BTAF1: variants seen among roughly 807,000 people sequenced by gnomAD.
BTAF1 encodes the protein B-TFIID TATA-box binding protein associated factor 1, also known as TATA-binding protein-associated factor 172.
A neutral mutation model predicts 227.1 loss-of-function variants in BTAF1; 38 were observed. That is an observed-to-expected ratio of 0.17 (90% CI 0.13 to 0.22). BTAF1 has a LOEUF of 0.22. BTAF1 is among the 10% of genes least tolerant of loss of function. BTAF1 has a pLI of 1.00. For synonymous variants in BTAF1, 742 were observed against 751.9 expected, an observed-to-expected ratio of 0.99 and a Z score of 0.21; for missense variants, 1,598 against 2,204.0, an observed-to-expected ratio of 0.73 and a Z score of 5.51.
rs894042057 is a variant in BTAF1 at position 92,030,031 on chromosome 10, T to C, written c.*1098T>C. 1 of 152,514 alleles carries C rather than the reference T, an allele frequency of 6.6e-6. No individual in the cohort carries two copies. The highest frequency in any genetic ancestry group is 6.6e-5 in the Admixed American group (1 of 15,264). 9.4% of individuals were successfully genotyped at this position (152,514 alleles called of 1,614,324 possible). On this transcript the variant is annotated 3_prime_UTR_variant, in exon 38 of 38. Coordinates refer to ENST00000265990, the MANE Select transcript of BTAF1 (RefSeq NM_003972.3). ...GTATGTGTTTGTATATATAATTTTA[T>C]AAGTTTCACGCATAAATTAATACAT...
Position 92,024,984 on chromosome 10 carries a change from A to G in BTAF1, c.5075+17A>G. 6.3e-7 allele frequency: 1 copy of G among 1,587,830 alleles called. No individual in the cohort carries two copies. The highest frequency in any genetic ancestry group is 8.6e-7 in the Non-Finnish European group (1 of 1,159,084). On this transcript the variant is annotated intron_variant, in intron 35 of 37. Coordinates refer to ENST00000265990, the MANE Select transcript of BTAF1 (RefSeq NM_003972.3). ...TGTTTCCCGGTAAGTGGCTTCTAAG[A>G]CTCTTATTCATAAATAAATATATTA...
At position 91,942,489 on chromosome 10, in the gene BTAF1, T is replaced by C; in HGVS notation, c.321T>C (p.Asp107=). The C allele has an allele frequency of 6.2e-7, 1 of 1,614,058 alleles. No homozygotes were observed. The highest frequency in any genetic ancestry group is 8.5e-7 in the Non-Finnish European group (1 of 1,179,916). The change falls in exon 4 of 38, where the codon GAT becomes GAC. Residue 107 remains aspartate, a synonymous_variant. Transcript: ENST00000265990. ...AGCGATTGAATTTTGACAGATTTGA[T>C]ATATGTAGATTGTTACAACATGGTG... is the stretch of plus-strand genomic sequence containing the variant. ...TTERLNFDRF[D]ICRLLQHGAS...
At chr10:92,003,178 C>T (rs915876363) in intron 25 of BTAF1, among the ~76,000 whole-genome samples, 11 of 150,664 alleles carry the variant, frequency 7.3e-5, no homozygotes, top group Admixed American at 2.6e-4. Flanking sequence ...AAAGTTACGG[C>T]GTCCAACATG....
chr10:91,957,414 G>A, intron 8 of BTAF1, 121 bp downstream of exon 8: 2 of 651,092 alleles, frequency 3.1e-6, no homozygotes, highest in South Asian at 5.5e-5. Context: ...CAGGACTCAG[G>A]GCACGTCATA....
intron 4 of BTAF1, among the ~76,000 whole-genome samples, chr10:91,945,302 T>C (rs1325509486): frequency 6.6e-6 from 1 of 152,100 alleles, no homozygotes; most frequent in African/African-American, 2.4e-5. Context: ...TGTGGTAAAA[T>C]ATATATAACA....
rs765637327 is a variant in BTAF1 at position 92,024,837 on chromosome 10, A to G, written c.4945A>G (p.Ile1649Val). The G allele has an allele frequency of 2.5e-5, 41 of 1,612,968 alleles. No homozygotes were observed. The highest frequency in any genetic ancestry group is 3.4e-5 in the Non-Finnish European group (40 of 1,179,864). ...ESVVAQHRILIFCQLKSMLDI... is the reference protein window; with the variant it reads ...ESVVAQHRILVFCQLKSMLDI... ...TGTTGTGGCCCAGCACAGGATACTG[A>G]TATTCTGTCAGCTGAAAAGCATGCT... The change falls in exon 35 of 38, where the codon ATA (isoleucine) becomes GTA (valine). Residue 1649 changes from isoleucine (I) to valine (V), a missense_variant. Physicochemically the swap from Ile to Val is conservative, Grantham distance 29. This residue lies in a region of BTAF1 where 205 missense variants were observed against 244.5 expected (regional missense o/e 0.84). Coordinates refer to ENST00000265990, the MANE Select transcript of BTAF1 (RefSeq NM_003972.3).
At chr10:91,963,280 A>G (rs1435510184) in intron 12 of BTAF1, among the ~76,000 whole-genome samples, 3 of 151,758 alleles carry the variant, frequency 2.0e-5, no homozygotes, top group Admixed American at 6.5e-5. Flanking sequence ...TTTAAAAGGC[A>G]TGGTGGCGGG....
At chr10:92,021,870 C>T (rs1346091641) in intron 34 of BTAF1, among the ~76,000 whole-genome samples, 1 of 151,978 alleles carries the variant, frequency 6.6e-6, no homozygotes, top group Non-Finnish European at 1.5e-5. Flanking sequence ...TAGTTTTGAC[C>T]ACTACAAGTG....
chr10:91,999,759 A>G (rs1301604705), intron 25 of BTAF1, among the ~76,000 whole-genome samples: 1 of 152,236 alleles, frequency 6.6e-6, no homozygotes, highest in Non-Finnish European at 1.5e-5. Flanking sequence ...GATAGTAGAT[A>G]TGTAAATCAT....
At chr10:92,004,598 G>A (rs1239471702) in intron 25 of BTAF1, among the ~76,000 whole-genome samples, 1 of 152,144 alleles carries the variant, frequency 6.6e-6, no homozygotes, top group Non-Finnish European at 1.5e-5. Context: ...CTCCCAAGTA[G>A]ATGGGACTAC....
At chr10:91,995,336 A>G (rs1436766362) in intron 23 of BTAF1, among the ~76,000 whole-genome samples, 1 of 152,070 alleles carries the variant, frequency 6.6e-6, no homozygotes, top group South Asian at 2.1e-4. Context: ...ACATAGTAAT[A>G]AAGTATGTCC....
In BTAF1 at chr10:91,996,619, T is replaced by A. The variant is rs1053965467; in HGVS notation, c.3511+49T>A. On this transcript the variant is annotated intron_variant, in intron 24 of 37. Transcript: ENST00000265990. ...TGTTCAGGAATTATATTCATTTCACTTAAGGATAATTAAAATGAAATTGAT... is the reference window on the plus strand; with the variant it reads ...TGTTCAGGAATTATATTCATTTCACATAAGGATAATTAAAATGAAATTGAT... 3.2e-6 allele frequency: 5 copies of A among 1,563,666 alleles called. No homozygotes were observed. In the African/African-American group the frequency reaches 5.4e-5, roughly 17 times the overall value.
intron 4 of BTAF1, among the ~76,000 whole-genome samples, chr10:91,951,133 G>A (rs1845741392): frequency 6.6e-6 from 1 of 152,058 alleles, no homozygotes; most frequent in South Asian, 2.1e-4. Context: ...GCCCAGGAAT[G>A]AATCTTATTA....
intron 14 of BTAF1, among the ~76,000 whole-genome samples, chr10:91,974,745 G>A (rs556409075): frequency 1.3e-5 from 2 of 152,162 alleles, no homozygotes; most frequent in African/African-American, 2.4e-5. Flanking sequence ...CCTGCTATTC[G>A]GGAGGTTGAG....
chr10:91,950,777 G>T (rs902145293), intron 4 of BTAF1, among the ~76,000 whole-genome samples: 158 of 151,378 alleles, frequency 1.0e-3, no homozygotes, highest in African/African-American at 3.7e-3. Flanking sequence ...GAGAGCTTTC[G>T]TAGGAGGTAC....
chr10:91,932,742 T>A (rs1280331564), intron 1 of BTAF1, among the ~76,000 whole-genome samples: 1 of 152,228 alleles, frequency 6.6e-6, no homozygotes, highest in Non-Finnish European at 1.5e-5. Flanking sequence ...TGAAATGGTT[T>A]CAAGAAGGTG....
chr10:91,982,984 C>G (rs1224347587), intron 18 of BTAF1, among the ~76,000 whole-genome samples: 1 of 152,174 alleles, frequency 6.6e-6, no homozygotes, highest in South Asian at 2.1e-4. Flanking sequence ...ACTAGTTATG[C>G]TCATACTTAA....
chr10:92,025,610 C>G (rs1383105040), intron 35 of BTAF1, among the ~76,000 whole-genome samples: 1 of 151,840 alleles, frequency 6.6e-6, no homozygotes, highest in African/African-American at 2.4e-5. Context: ...AGTTCAAGAC[C>G]AGCCTGGCCA....
At position 91,923,809 on chromosome 10, in the gene BTAF1, C is replaced by T. The variant is rs1385381392; in HGVS notation, c.-268C>T. On this transcript the variant is annotated 5_prime_UTR_variant, in exon 1 of 38. Transcript: ENST00000265990. The stretch of plus-strand genomic sequence containing the variant: ...ACGCCCGCGTCAGCAAAGAGCGGAG[C>T]TGAGGGTACCCGGTTTGAAGTCGTG... 4.8e-6 allele frequency: 2 copies of T among 419,718 alleles called. No homozygotes were observed. Among genetic ancestry groups the T allele is most frequent in the Non-Finnish European group, 8.5e-6 (2 of 236,100 alleles). The allele number at this position is 419,718 out of a possible 1,614,324, so 26.0% of individuals were successfully genotyped here.
Sources: allele counts gnomAD v4.1 joint callset (sites outside exome capture counted in the v4.1 genomes callset), GRCh38; gene constraint gnomAD v4.1.1; regional missense constraint gnomAD v4.1.1; transcripts MANE v1.5; gene names NCBI Gene and HGNC (gene_info 2026-07-23, HGNC 2026-07-21).